The following RBFOX1 variants were observed in gnomAD, a reference collection of about 807,000 sequenced individuals.
The protein encoded by RBFOX1 is RNA binding fox-1 homolog 1.
RBFOX1 carries 8 observed loss-of-function variants against 57.7 expected under a neutral mutation model. The observed-to-expected ratio is 0.14, with a 90% CI of 0.08 to 0.25. RBFOX1 has a LOEUF of 0.25. Among genes scored for constraint, RBFOX1 ranks in the 10% least tolerant of loss-of-function variants. The pLI is 1.00. For synonymous variants in RBFOX1, 326 were observed against 222.4 expected (o/e 1.47, Z -4.15); for missense variants, 611 against 548.5 (o/e 1.11, Z -1.14).
intron 3 of RBFOX1, among the ~76,000 whole-genome samples, chr16:7,017,510 G>T (rs2093976459): frequency 6.6e-6 from 1 of 152,142 alleles, no homozygotes; most frequent in Admixed American, 6.6e-5. Context: ...TGCTAACTCA[G>T]GAGTCTGCGT....
At chr16:7,097,440 A>C (rs2061893471) in intron 4 of RBFOX1, among the ~76,000 whole-genome samples, 1 of 152,184 alleles carries the variant, frequency 6.6e-6, no homozygotes, top group African/African-American at 2.4e-5. Context: ...GCATTAAAGC[A>C]GGGAAAGAGA....
intron 4 of RBFOX1, among the ~76,000 whole-genome samples, chr16:7,148,000 A>G: frequency 6.6e-6 from 1 of 152,316 alleles, no homozygotes; most frequent in South Asian, 2.1e-4. Context: ...CAAGAGGTAT[A>G]CAAAGGTAAG....
intron 4 of RBFOX1, among the ~76,000 whole-genome samples, chr16:7,145,169 C>A: frequency 6.6e-6 from 1 of 152,132 alleles, no homozygotes; most frequent in East Asian, 1.9e-4. Flanking sequence ...CCAATCATTT[C>A]TTTACCCCCT....
intron 5 of RBFOX1, among the ~76,000 whole-genome samples, chr16:7,538,826 G>A (rs552431680): frequency 6.6e-6 from 1 of 152,062 alleles, no homozygotes; most frequent in African/African-American, 2.4e-5. Context: ...GTGATTGTCT[G>A]TACAACACAT....
chr16:5,981,886 G>A (rs766923544), intron 4 of RBFOX1, among the ~76,000 whole-genome samples: 8 of 152,210 alleles, frequency 5.3e-5, no homozygotes, highest in East Asian at 1.9e-4. Context: ...TTTAGCGGGC[G>A]GAGGCCAGGC....
At chr16:5,776,707 C>G (rs2118015) in intron 3 of RBFOX1, among the ~76,000 whole-genome samples, 76,451 of 152,000 alleles carry the variant, frequency 0.5, 20,005 homozygotes, top group African/African-American at 0.64. Flanking sequence ...GCTGGGATTT[C>G]AACCCAGACA....
intron 4 of RBFOX1, among the ~76,000 whole-genome samples, chr16:7,313,266 GCT>G (rs2096361666): frequency 1.3e-5 from 2 of 152,090 alleles, no homozygotes; most frequent in African/African-American, 4.8e-5. Flanking sequence ...TTGTTTGTTT[GCT>G]CTCTTTCTTT....
chr16:7,144,388 T>A (rs1414490774), intron 4 of RBFOX1, among the ~76,000 whole-genome samples: 1 of 149,068 alleles, frequency 6.7e-6, no homozygotes. Flanking sequence ...AGGTTAAAAC[T>A]TCTTCTTTTC....
At chr16:6,916,053 A>C (rs988171984) in intron 3 of RBFOX1, among the ~76,000 whole-genome samples, 2 of 152,070 alleles carry the variant, frequency 1.3e-5, no homozygotes, top group Non-Finnish European at 2.9e-5. Flanking sequence ...AGAGCTCCAC[A>C]CTGCTACTCC....
chr16:7,100,565 G>T (rs868805923), intron 4 of RBFOX1, among the ~76,000 whole-genome samples: 2,122 of 118,488 alleles, frequency 0.018, 108 homozygotes, highest in African/African-American at 0.029. Context: ...TTTAAAGGTT[G>T]TTTTTTTTTT....
chr16:5,410,102 G>T (rs1010820531), intron 1 of RBFOX1, among the ~76,000 whole-genome samples: 3 of 151,262 alleles, frequency 2.0e-5, no homozygotes, highest in Non-Finnish European at 4.4e-5. Flanking sequence ...GGTGGCTCAT[G>T]CCTGTAATGC....
At chr16:5,813,891 C>G (rs1438639643) in intron 3 of RBFOX1, among the ~76,000 whole-genome samples, 2 of 152,202 alleles carry the variant, frequency 1.3e-5, no homozygotes, top group African/African-American at 2.4e-5. Flanking sequence ...ACTTGGGACC[C>G]TGGAATTATA....
At chr16:5,482,183 T>C (rs934218023) in intron 2 of RBFOX1, among the ~76,000 whole-genome samples, 6 of 152,164 alleles carry the variant, frequency 3.9e-5, no homozygotes, top group African/African-American at 1.4e-4. Flanking sequence ...TCCCAGGATT[T>C]GTAAGACCTT....
At chr16:7,430,128 T>A (rs1486868749) in intron 4 of RBFOX1, among the ~76,000 whole-genome samples, 1 of 152,246 alleles carries the variant, frequency 6.6e-6, no homozygotes, top group Non-Finnish European at 1.5e-5. Flanking sequence ...CCACTAAGTC[T>A]ATAATCCAAC....
At chr16:7,169,838 A>C (rs551968268) in intron 4 of RBFOX1, among the ~76,000 whole-genome samples, 1 of 152,182 alleles carries the variant, frequency 6.6e-6, no homozygotes, top group African/African-American at 2.4e-5. Context: ...GGCAGGGCCA[A>C]AGCAGGCTGA....
chr16:5,339,485 T>G (rs1360507285), intron 1 of RBFOX1, among the ~76,000 whole-genome samples: 1 of 124,506 alleles, frequency 8.0e-6, no homozygotes, highest in Non-Finnish European at 1.7e-5. Context: ...TTTTTTTTTT[T>G]TTTTTTTTTT....
chr16:7,494,736 T>C (rs936327751), intron 4 of RBFOX1, among the ~76,000 whole-genome samples: 1 of 152,020 alleles, frequency 6.6e-6, no homozygotes, highest in Non-Finnish European at 1.5e-5. Flanking sequence ...CAACAGGCCT[T>C]CTGAGTCTGG....
At chr16:5,938,508 A>G (rs981421269) in intron 4 of RBFOX1, among the ~76,000 whole-genome samples, 1 of 152,182 alleles carries the variant, frequency 6.6e-6, no homozygotes, top group African/African-American at 2.4e-5. Flanking sequence ...AATGTCCCCA[A>G]TTCTCCATAC....
intron 2 of RBFOX1, among the ~76,000 whole-genome samples, chr16:6,515,830 C>A (rs550961317): frequency 6.6e-6 from 1 of 152,096 alleles, no homozygotes; most frequent in Non-Finnish European, 1.5e-5. Flanking sequence ...CTCACCCACC[C>A]TAATGGCCTC....
Sources: allele counts gnomAD v4.1 joint callset (sites outside exome capture counted in the v4.1 genomes callset), GRCh38; gene constraint gnomAD v4.1.1; transcripts MANE v1.5; gene names NCBI Gene and HGNC (gene_info 2026-07-23, HGNC 2026-07-21).